The following R3HDM2 variants were observed in gnomAD, a reference collection of about 807,000 sequenced individuals.
R3HDM2 encodes R3H domain containing 2.
R3HDM2 carries 38 observed loss-of-function variants against 124.5 expected under a neutral mutation model. That is an observed-to-expected ratio of 0.31 (90% CI 0.24 to 0.40). R3HDM2 has a LOEUF of 0.40. Among genes scored for constraint, R3HDM2 ranks in the 10% least tolerant of loss-of-function variants. The pLI is 1.00. For missense variants in R3HDM2, 869 were observed against 1,236.9 expected (o/e 0.70, Z 4.46); for synonymous variants, 391 against 448.0 (o/e 0.87, Z 1.61).
intron 19 of R3HDM2, among the ~76,000 whole-genome samples, chr12:57,261,711 G>A (rs1313939660): frequency 2.0e-5 from 3 of 149,894 alleles, no homozygotes; most frequent in Non-Finnish European, 4.4e-5. Context: ...CAAAGCAGGT[G>A]GCATCTGTTA....
At chr12:57,255,712 A>G (rs558860636) in intron 23 of R3HDM2, among the ~76,000 whole-genome samples, 1 of 152,242 alleles carries the variant, frequency 6.6e-6, no homozygotes, top group Non-Finnish European at 1.5e-5. Context: ...GTCGTAGATT[A>G]GGGACAGGAC....
At chr12:57,397,877 T>A (rs1278350566) in intron 1 of R3HDM2, among the ~76,000 whole-genome samples, 1 of 152,132 alleles carries the variant, frequency 6.6e-6, no homozygotes, top group African/African-American at 2.4e-5. Flanking sequence ...TGTAATCATA[T>A]CATAATTAAA....
chr12:57,388,214 C>G (rs991668264), intron 2 of R3HDM2, among the ~76,000 whole-genome samples: 1 of 152,192 alleles, frequency 6.6e-6, no homozygotes, highest in Non-Finnish European at 1.5e-5. Flanking sequence ...ATCTGCCCGC[C>G]TCAGCCTCCC....
rs1593067709 is a variant in R3HDM2 at position 57,308,941 on chromosome 12, A to T, written c.165+1323T>A. On this transcript the variant is annotated intron_variant, in intron 3 of 23. Transcript: ENST00000402412. ...GGAAGTACAGCTGGAACAGTGGCAG[A>T]TTGTCTCCACAAGCTCTGGAAGAAT... 1.3e-5 allele frequency among the ~76,000 whole-genome samples: 2 copies of T among 152,320 alleles called. 1 individual carries two copies. Among genetic ancestry groups the T allele is most frequent in the Middle Eastern group, 6.8e-3 (2 of 294 alleles).
At chr12:57,345,154 G>A (rs2059966743) in intron 2 of R3HDM2, among the ~76,000 whole-genome samples, 2 of 149,394 alleles carry the variant, frequency 1.3e-5, no homozygotes, top group African/African-American at 5.1e-5. Flanking sequence ...TCCTTATTGG[G>A]GGAAAAAAAA....
chr12:57,378,389 C>CT (rs947103916), intron 2 of R3HDM2, among the ~76,000 whole-genome samples: 37 of 151,654 alleles, frequency 2.4e-4, no homozygotes, highest in African/African-American at 6.0e-4. Context: ...TATTATTTTT[C>CT]TTTTTTTTGA....
intron 14 of R3HDM2, among the ~76,000 whole-genome samples, chr12:57,275,046 A>G (rs933279617): frequency 1.3e-5 from 2 of 152,192 alleles, no homozygotes; most frequent in Admixed American, 1.3e-4. Context: ...TCTGGAGGCA[A>G]CATACTACCT....
intron 10 of R3HDM2, among the ~76,000 whole-genome samples, chr12:57,293,840 T>C (rs1463782863): frequency 6.6e-6 from 1 of 152,188 alleles, no homozygotes; most frequent in Non-Finnish European, 1.5e-5. Context: ...TTAGTTCTCA[T>C]TAGCTTCAAG....
chr12:57,295,536 AAGG>A, intron 9 of R3HDM2, 29 bp from the exon 10 acceptor site: 1 of 1,484,894 alleles, frequency 6.7e-7, no homozygotes, highest in East Asian at 2.5e-5. Context: ...TGTGAAAGGA[AAGG>A]AGGACAAAGA....
In R3HDM2 at chr12:57,269,341, G is replaced by C. The variant is rs778125821; in HGVS notation, c.1696C>G (p.Gln566Glu). Residue 566 changes from glutamine (Q) to glutamate (E), a missense_variant, in exon 16 of 24, where the codon CAG (glutamine) becomes GAG (glutamate). Coordinates refer to ENST00000402412, the MANE Select transcript of R3HDM2 (RefSeq NM_001394031.1). ...YSPQRGQQLP[Q>E]PSQQPGLQPM... The stretch of plus-strand genomic sequence containing the variant: ...CTCTTACCAGGCTGCTGGGATGGCT[G>C]AGGCAGCTGCTGACCACGTTGGGGG... 4 of 1,614,062 alleles carry C rather than the reference G, an allele frequency of 2.5e-6. No homozygotes were observed. The highest frequency in any genetic ancestry group is 3.4e-6 in the Non-Finnish European group (4 of 1,180,014).
At position 57,288,995 on chromosome 12, in the gene R3HDM2, T is replaced by C; in HGVS notation, c.938+14A>G. ...GCTCAATGAGAAGCAGGGAACATGC[T>C]AAGTGGTACTAACCTGATGTCATTT... On this transcript the variant is annotated intron_variant, in intron 12 of 23. Coordinates refer to ENST00000402412, the MANE Select transcript of R3HDM2 (RefSeq NM_001394031.1). 6.5e-7 allele frequency: 1 copy of C among 1,549,386 alleles called. No homozygotes were observed. The highest frequency in any genetic ancestry group is 2.4e-5 in the East Asian group (1 of 40,908).
intron 1 of R3HDM2, among the ~76,000 whole-genome samples, chr12:57,400,593 AT>A (rs1449848979): frequency 3.3e-5 from 5 of 152,062 alleles, no homozygotes; most frequent in African/African-American, 9.7e-5. Context: ...AAAAATATAT[AT>A]TAAAAAAAAA....
At chr12:57,270,059 TAGAC>T (rs1290735858) in intron 14 of R3HDM2, 65 bp from the exon 15 acceptor site, 100 of 1,567,162 alleles carry the variant, frequency 6.4e-5, no homozygotes, top group Non-Finnish European at 7.7e-5. Flanking sequence ...GGCTTCAACA[TAGAC>T]AGAGAGAAAT....
At chr12:57,269,239 C>T (rs962070924) in intron 16 of R3HDM2, 84 bp downstream of exon 16, 1 of 1,574,716 alleles carries the variant, frequency 6.4e-7, no homozygotes, top group Non-Finnish European at 8.6e-7. Context: ...GACCCACCTT[C>T]ATTTTAATGG....
At chr12:57,421,861 C>T (rs947413846) in intron 1 of R3HDM2, among the ~76,000 whole-genome samples, 1 of 152,046 alleles carries the variant, frequency 6.6e-6, no homozygotes, top group South Asian at 2.1e-4. Context: ...CTCTGGGAGG[C>T]CAAGGGGGGC....
intron 1 of R3HDM2, among the ~76,000 whole-genome samples, chr12:57,400,018 G>C: frequency 6.6e-6 from 1 of 152,138 alleles, no homozygotes; most frequent in South Asian, 2.1e-4. Flanking sequence ...GTCTACTCCA[G>C]TGTGGCGATT....
intron 19 of R3HDM2, among the ~76,000 whole-genome samples, chr12:57,266,111 T>C (rs1384465755): frequency 1.3e-5 from 2 of 148,966 alleles, no homozygotes; most frequent in Non-Finnish European, 3.0e-5. Context: ...TTTTTCTTTT[T>C]TTTTTTTTTT....
rs184906711 is a variant in R3HDM2 at position 57,366,107 on chromosome 12, T to C, written c.-36+29642A>G. On this transcript the variant is annotated intron_variant, in intron 2 of 23. Transcript: ENST00000402412. ...CCAATTACACATATTTTTAGACTGC[T>C]TGATGTTGTTCCACTGCTCACTGAC... Among the ~76,000 whole-genome samples the C allele has an allele frequency of 2.6e-5, 4 of 152,236 alleles. No homozygotes were observed. In the East Asian group the frequency reaches 7.7e-4, roughly 29 times the overall value.
intron 2 of R3HDM2, among the ~76,000 whole-genome samples, chr12:57,318,563 G>A (rs1327454030): frequency 2.6e-5 from 4 of 151,526 alleles, no homozygotes; most frequent in Admixed American, 6.6e-5. Flanking sequence ...CAGAAGAATC[G>A]CTTGAACCTG....
Sources: allele counts gnomAD v4.1 joint callset (sites outside exome capture counted in the v4.1 genomes callset), GRCh38; gene constraint gnomAD v4.1.1; transcripts MANE v1.5; gene names NCBI Gene and HGNC (gene_info 2026-07-23, HGNC 2026-07-21).